IQSEC1: variants seen among roughly 807,000 people sequenced by gnomAD.
The protein encoded by IQSEC1 is IQ motif and SEC7 domain-containing protein 1.
A neutral mutation model predicts 91.0 loss-of-function variants in IQSEC1; 31 were observed. That is an observed-to-expected ratio of 0.34 (90% CI 0.26 to 0.46). The LOEUF (loss-of-function observed/expected upper bound fraction) is 0.46. Ranked by LOEUF, IQSEC1 falls within the 20% of genes least tolerant of loss-of-function variation. IQSEC1 has a pLI of 1.00. For missense variants in IQSEC1, 1,388 were observed against 1,575.6 expected, an observed-to-expected ratio of 0.88 and a Z score of 2.02; for synonymous variants, 699 against 662.6, an observed-to-expected ratio of 1.05 and a Z score of -0.84.
chr3:13,184,395 A>G (rs1477937990), intron 1 of IQSEC1, among the ~76,000 whole-genome samples: 1 of 152,260 alleles, frequency 6.6e-6, no homozygotes, highest in African/African-American at 2.4e-5. Flanking sequence ...AAAAGCCTTG[A>G]CAGTATTCAA....
intron 1 of IQSEC1, among the ~76,000 whole-genome samples, chr3:13,164,373 C>T (rs1205715148): frequency 6.6e-6 from 1 of 152,224 alleles, no homozygotes; most frequent in African/African-American, 2.4e-5. Flanking sequence ...CACCCTCTTC[C>T]TGTTTCCATC....
At chr3:13,097,556 C>G (rs559775654) in intron 2 of IQSEC1, among the ~76,000 whole-genome samples, 2 of 152,294 alleles carry the variant, frequency 1.3e-5, no homozygotes, top group South Asian at 4.1e-4. Flanking sequence ...GGGGCTGGGC[C>G]CCTCAGCTCT....
At chr3:12,904,147 G>C (rs546005969) in intron 12 of IQSEC1, among the ~76,000 whole-genome samples, 1 of 152,368 alleles carries the variant, frequency 6.6e-6, no homozygotes, top group African/African-American at 2.4e-5. Flanking sequence ...GAAGTGCTGT[G>C]GGCTTCGAGC....
chr3:13,255,199 C>G (rs1447786702), intron 1 of IQSEC1, among the ~76,000 whole-genome samples: 5 of 152,230 alleles, frequency 3.3e-5, no homozygotes, highest in African/African-American at 1.2e-4. Flanking sequence ...CCCAGCACCC[C>G]AGCCCAAGGG....
intron 2 of IQSEC1, among the ~76,000 whole-genome samples, chr3:13,111,390 C>T (rs1706242071): frequency 6.6e-6 from 1 of 152,190 alleles, no homozygotes; most frequent in African/African-American, 2.4e-5. Context: ...CTCCTGACCC[C>T]ACCTTCCTGA....
chr3:13,191,680 G>A (rs1694036165), intron 1 of IQSEC1, among the ~76,000 whole-genome samples: 1 of 152,096 alleles, frequency 6.6e-6, no homozygotes, highest in South Asian at 2.1e-4. Context: ...TCTTAGATAA[G>A]AAAGAAACTT....
chr3:12,975,703 G>A (rs1701135690), intron 1 of IQSEC1, among the ~76,000 whole-genome samples: 1 of 152,156 alleles, frequency 6.6e-6, no homozygotes, highest in African/African-American at 2.4e-5. Flanking sequence ...GCTTCACAAT[G>A]GAACTCTAAG....
At chr3:13,143,654 A>C (rs1386412503) in intron 2 of IQSEC1, among the ~76,000 whole-genome samples, 1 of 152,220 alleles carries the variant, frequency 6.6e-6, no homozygotes, top group Non-Finnish European at 1.5e-5. Flanking sequence ...GGTGAGGGTC[A>C]GGGCAAGGGC....
At position 13,053,100 on chromosome 3, in the gene IQSEC1, C is replaced by A. The variant is rs142264409; in HGVS notation, c.23+19892G>T. On this transcript the variant is annotated intron_variant, in intron 1 of 13. Coordinates refer to ENST00000613206, the MANE Select transcript of IQSEC1 (RefSeq NM_001134382.3). ...TTTCTTGGCCAGGAATCGCTTACTC[C>A]TGAAAGTCTTGTGAGAAGACATGGC... 6.4e-6 allele frequency: 6 copies of A among 937,042 alleles called. No individual in the cohort carries two copies. The African/African-American group carries it at 9.7e-5, about 15-fold the overall frequency. 58.0% of individuals were successfully genotyped at this position (937,042 alleles called of 1,614,324 possible).
intron 1 of IQSEC1, among the ~76,000 whole-genome samples, chr3:13,023,808 C>A (rs1404759853): frequency 6.6e-6 from 1 of 152,230 alleles, no homozygotes; most frequent in East Asian, 1.9e-4. Context: ...AACCCAAATT[C>A]TTCTCCCTGT....
chr3:12,953,702 C>A (rs1269451872), intron 1 of IQSEC1, among the ~76,000 whole-genome samples: 1 of 152,206 alleles, frequency 6.6e-6, no homozygotes, highest in Non-Finnish European at 1.5e-5. Flanking sequence ...CAGTTTTTCG[C>A]ACTGCCCCTG....
intron 1 of IQSEC1, chr3:12,960,283 G>A (rs1700165039): frequency 6.6e-6 from 1 of 152,190 alleles, no homozygotes; most frequent in African/African-American, 2.4e-5. Flanking sequence ...TAGCCCAGAT[G>A]ACTTCCTGGG....
chr3:12,923,955 C>T (rs1015162267), intron 4 of IQSEC1, among the ~76,000 whole-genome samples: 9 of 152,230 alleles, frequency 5.9e-5, no homozygotes, highest in African/African-American at 1.9e-4. Context: ...GAGTGCTATG[C>T]TCACCAGCTC....
chr3:13,137,789 C>T (rs1559262591), intron 2 of IQSEC1, among the ~76,000 whole-genome samples: 1 of 152,216 alleles, frequency 6.6e-6, no homozygotes, highest in Non-Finnish European at 1.5e-5. Flanking sequence ...TACCTGTGAA[C>T]AGCCACTGCG....
intron 9 of IQSEC1, among the ~76,000 whole-genome samples, chr3:12,912,009 G>C (rs1695608370): frequency 6.6e-6 from 1 of 152,246 alleles, no homozygotes. Context: ...ACAGCCAGGT[G>C]AGGTGTACAC....
intron 1 of IQSEC1, among the ~76,000 whole-genome samples, chr3:12,943,814 C>G (rs1698978199): frequency 6.6e-6 from 1 of 152,254 alleles, no homozygotes; most frequent in African/African-American, 2.4e-5. Context: ...ACCAGTGGCC[C>G]AGGTGGTAGG....
intron 1 of IQSEC1, among the ~76,000 whole-genome samples, chr3:13,174,984 G>C (rs1201630590): frequency 6.6e-6 from 1 of 152,172 alleles, no homozygotes; most frequent in Non-Finnish European, 1.5e-5. Flanking sequence ...CAGGCACACA[G>C]CATCGTCCCT....
chr3:13,007,997 G>A (rs1447689080), intron 1 of IQSEC1, among the ~76,000 whole-genome samples: 1 of 152,190 alleles, frequency 6.6e-6, no homozygotes, highest in East Asian at 1.9e-4. Context: ...GACCTTCTAA[G>A]CCTGCACTCC....
chr3:12,931,134 C>G (rs1697634716), intron 3 of IQSEC1, among the ~76,000 whole-genome samples: 1 of 152,142 alleles, frequency 6.6e-6, no homozygotes, highest in South Asian at 2.1e-4. Context: ...GCAAGCACCC[C>G]CTGCAGGGCT....
Sources: allele counts gnomAD v4.1 joint callset (sites outside exome capture counted in the v4.1 genomes callset), GRCh38; gene constraint gnomAD v4.1.1; transcripts MANE v1.5; gene names NCBI Gene and HGNC (gene_info 2026-07-23, HGNC 2026-07-21).